Variants in DOCK8 observed in about 807,000 individuals in gnomAD.
DOCK8 encodes dedicator of cytokinesis protein 8.
A neutral mutation model predicts 245.6 loss-of-function variants in DOCK8; 141 were observed. That is an observed-to-expected ratio of 0.57 (90% confidence interval 0.50 to 0.66). The LOEUF (loss-of-function observed/expected upper bound fraction) is 0.66. DOCK8 is among the 30% of genes least tolerant of loss of function. DOCK8 has a pLI of 0.00. For synonymous variants in DOCK8, 1,168 were observed against 970.2 expected, an observed-to-expected ratio of 1.20 and a Z score of -3.79; for missense variants, 2,965 against 2,603.4, an observed-to-expected ratio of 1.14 and a Z score of -3.02.
At position 441,900 on chromosome 9, in the gene DOCK8, A is replaced by G. The variant is rs2057105463; in HGVS notation, c.5381A>G (p.Tyr1794Cys). The G allele has an allele frequency of 6.2e-7, 1 of 1,614,162 alleles. No homozygotes were observed. Among genetic ancestry groups the G allele is most frequent in the Non-Finnish European group, 8.5e-7 (1 of 1,180,028 alleles). Residue 1794 changes from tyrosine (Y) to cysteine (C), a missense_variant, in exon 42 of 48, where the codon TAC becomes TGC. Physicochemically the swap from Tyr to Cys is radical, Grantham distance 194. This residue lies in a region of DOCK8 where 2,825 missense variants were observed against 2,453.5 expected (regional missense o/e 1.15). Transcript: ENST00000432829. ...GATCATAAGAGAATGTTTGGAACCT[A>G]CTTCCGAGTTGGTTTCTTTGGATCC... The part of the protein sequence containing the change: ...NKDHKRMFGT[Y>C]FRVGFFGSKF...
At position 414,028 on chromosome 9, in the gene DOCK8, G is replaced by T. The variant is rs143273174; in HGVS notation, c.3531-754G>T. On this transcript the variant is annotated intron_variant, in intron 28 of 47. Transcript: ENST00000432829. ...GTGGTGGCAGGTGCCTGTAGTCCCC[G>T]CTACTTGGGAGGCTGAGTCAGAAGA... Among the ~76,000 whole-genome samples the T allele has an allele frequency of 4.2e-3, 638 of 152,048 alleles. 5 individuals are homozygous for T. The highest frequency in any genetic ancestry group is 0.014 in the African/African-American group (587 of 41,472).
chr9:288,011 C>CAAAACA (rs2048892793), intron 3 of DOCK8, among the ~76,000 whole-genome samples: 2 of 147,070 alleles, frequency 1.4e-5, no homozygotes, highest in East Asian at 3.9e-4. Flanking sequence ...CTGTTTCTTA[C>CAAAACA]AAAACAAAAA....
At chr9:437,685 A>C (rs897196689) in intron 39 of DOCK8, among the ~76,000 whole-genome samples, 14 of 152,230 alleles carry the variant, frequency 9.2e-5, no homozygotes, top group African/African-American at 3.1e-4. Flanking sequence ...CTTTTGGAAA[A>C]GATTTATAAA....
At chr9:282,503 C>G (rs952025512) in intron 2 of DOCK8, among the ~76,000 whole-genome samples, 2 of 150,086 alleles carry the variant, frequency 1.3e-5, no homozygotes, top group Admixed American at 6.6e-5. Flanking sequence ...ACTGCAGCCT[C>G]GAACTCCTGG....
rs2360277 is a variant in DOCK8, at chr9:325,817, T to C, written c.894+80T>C. The C allele has an allele frequency of 0.89, 1,193,949 of 1,347,586 alleles. 529,193 individuals carry two copies. The highest frequency in any genetic ancestry group is 0.91 in the African/African-American group (63,570 of 69,602). 83.5% of individuals were successfully genotyped at this position (1,347,586 alleles called of 1,614,324 possible). A position where few individuals can be genotyped will look rare whatever the true frequency, so the allele number is the denominator to read the frequency against. On this transcript the variant is annotated intron_variant, in intron 8 of 47. Coordinates refer to ENST00000432829, the MANE Select transcript of DOCK8 (RefSeq NM_203447.4). ...TTGCATGTATGTTTTTAAATTTCTT[T>C]GCAGCAAGAACCTATCAGATTTGAA...
chr9:271,727 C>T lies in DOCK8; in HGVS notation c.154C>T (p.Leu52=), dbSNP rs1469421756. 1.3e-6 allele frequency: 2 copies of T among 1,549,448 alleles called. No individual in the cohort carries two copies. The highest frequency in any genetic ancestry group is 3.9e-5 in the Admixed American group (2 of 50,908). ...TACCTCTGGCTTCCCCTCTCTTCAACTAGTAAGTATGAGTTCCAGGTTTAC... is the reference window on the plus strand; with the variant it reads ...TACCTCTGGCTTCCCCTCTCTTCAATTAGTAAGTATGAGTTCCAGGTTTAC... The part of the protein sequence containing the change: ...ISTSGFPSLQ[L]PQFYDPVEPV... Residue 52 remains leucine, a splice_region_variant and synonymous_variant, in exon 2 of 48, where the codon CTA becomes TTA. Coordinates refer to ENST00000432829, the MANE Select transcript of DOCK8 (RefSeq NM_203447.4).
chr9:327,196 A>T (rs1236896326), intron 8 of DOCK8, among the ~76,000 whole-genome samples: 1 of 152,010 alleles, frequency 6.6e-6, no homozygotes, highest in Non-Finnish European at 1.5e-5. Context: ...CTGGCACATC[A>T]TCACCTTCCA....
intron 28 of DOCK8, among the ~76,000 whole-genome samples, chr9:412,514 A>C: frequency 6.6e-6 from 1 of 152,298 alleles, no homozygotes; most frequent in East Asian, 1.9e-4. Flanking sequence ...ATAGAAAACC[A>C]TAAGGAATCC....
intron 1 of DOCK8, among the ~76,000 whole-genome samples, chr9:230,449 A>G (rs1246804508): frequency 2.6e-5 from 4 of 152,066 alleles, no homozygotes; most frequent in African/African-American, 9.7e-5. Flanking sequence ...TGGTATTTCT[A>G]GTTCTAGATC....
At chr9:446,846 A>C in intron 44 of DOCK8, among the ~76,000 whole-genome samples, 1 of 151,930 alleles carries the variant, frequency 6.6e-6, no homozygotes, top group South Asian at 2.1e-4. Flanking sequence ...TCTTTAGTAT[A>C]AGTGTGTTTA....
intron 1 of DOCK8, among the ~76,000 whole-genome samples, chr9:224,264 G>C (rs575434301): frequency 6.6e-6 from 1 of 152,038 alleles, no homozygotes. Flanking sequence ...TTTTCAAAAA[G>C]ATTTTTCTCC....
At chr9:412,477 C>A (rs992891935) in intron 28 of DOCK8, among the ~76,000 whole-genome samples, 1 of 151,358 alleles carries the variant, frequency 6.6e-6, no homozygotes, top group African/African-American at 2.4e-5. Flanking sequence ...AAAACTATCT[C>A]TATTCATAGG....
chr9:305,828 C>T (rs2049801285), intron 5 of DOCK8, among the ~76,000 whole-genome samples: 1 of 152,276 alleles, frequency 6.6e-6, no homozygotes, highest in African/African-American at 2.4e-5. Context: ...CTCTATACAC[C>T]TATGCTCACA....
At chr9:293,947 T>C (rs1451078086) in intron 4 of DOCK8, among the ~76,000 whole-genome samples, 1 of 152,230 alleles carries the variant, frequency 6.6e-6, no homozygotes, top group African/African-American at 2.4e-5. Flanking sequence ...CTTACCAGTG[T>C]CCTACCCTTC....
chr9:382,374 G>A, intron 21 of DOCK8, 139 bp from the exon 22 acceptor site: 1 of 1,206,674 alleles, frequency 8.3e-7, no homozygotes. Context: ...CCCCAACCAG[G>A]ATTTGTTAAG....
At chr9:341,591 A>G (rs1300824895) in intron 14 of DOCK8, among the ~76,000 whole-genome samples, 1 of 152,162 alleles carries the variant, frequency 6.6e-6, no homozygotes, top group Non-Finnish European at 1.5e-5. Flanking sequence ...TCATGAAATT[A>G]TGTATTTCCT....
intron 1 of DOCK8, among the ~76,000 whole-genome samples, chr9:221,824 TA>T (rs1243064245): frequency 2.3e-3 from 331 of 141,694 alleles, no homozygotes; most frequent in Middle Eastern, 0.011. Context: ...TCTGTCTCAT[TA>T]AAAAAAAAAA....
intron 1 of DOCK8, among the ~76,000 whole-genome samples, chr9:216,463 G>C (rs1047112076): frequency 1.4e-5 from 2 of 144,888 alleles, no homozygotes; most frequent in African/African-American, 5.2e-5. Flanking sequence ...TTGAGCCCAG[G>C]AGGATCACAG....
At chr9:250,326 C>T (rs1286576103) in intron 1 of DOCK8, among the ~76,000 whole-genome samples, 1 of 152,080 alleles carries the variant, frequency 6.6e-6, no homozygotes, top group East Asian at 1.9e-4. Flanking sequence ...TCCATGTGAG[C>T]TAAATGAGTC....
Sources: allele counts gnomAD v4.1 joint callset (sites outside exome capture counted in the v4.1 genomes callset), GRCh38; gene constraint gnomAD v4.1.1; regional missense constraint gnomAD v4.1.1; transcripts MANE v1.5; gene names NCBI Gene and HGNC (gene_info 2026-07-23, HGNC 2026-07-21).